CDH13: variants seen among roughly 807,000 people sequenced by gnomAD.
The protein encoded by CDH13 is cadherin-13.
Under a neutral mutation model 63.8 loss-of-function variants are expected in CDH13, and 24 were observed. The observed-to-expected ratio is 0.38, with a 90% CI of 0.27 to 0.53. CDH13 has a LOEUF of 0.53. Ranked by LOEUF, CDH13 falls within the 20% of genes least tolerant of loss-of-function variation. The pLI, the probability that CDH13 is intolerant of heterozygous loss-of-function variation, is 0.85. For synonymous variants in CDH13, 503 were observed against 355.3 expected (o/e 1.42, Z -4.67); for missense variants, 1,049 against 903.1 (o/e 1.16, Z -2.07).
At chr16:83,311,014 A>G (rs1202880830) in intron 5 of CDH13, among the ~76,000 whole-genome samples, 1 of 152,334 alleles carries the variant, frequency 6.6e-6, no homozygotes, top group East Asian at 1.9e-4. Flanking sequence ...CTTCCAGGAC[A>G]GATGTGGTGG....
At chr16:82,936,046 C>G (rs1006367989) in intron 2 of CDH13, among the ~76,000 whole-genome samples, 23 of 152,246 alleles carry the variant, frequency 1.5e-4, no homozygotes, top group Admixed American at 3.9e-4. Context: ...TCACCCCACC[C>G]TAATCTTATG....
chr16:83,135,549 C>A lies in CDH13; in HGVS notation c.483+10048C>A, dbSNP rs76573704. On this transcript the variant is annotated intron_variant, in intron 4 of 13. Transcript: ENST00000567109. ...CCTTTCTGTGTCACCTGCAATTGTACCAGGGCTCTGGATGGATTTTAAAAT... is the reference window on the plus strand; with the variant it reads ...CCTTTCTGTGTCACCTGCAATTGTAACAGGGCTCTGGATGGATTTTAAAAT... Among the ~76,000 whole-genome samples the A allele has an allele frequency of 3.5e-3, 532 of 152,264 alleles. 5 individuals carry two copies. The highest frequency in any genetic ancestry group is 0.011 in the African/African-American group (464 of 41,558).
chr16:83,455,864 C>T (rs553671984), intron 6 of CDH13, among the ~76,000 whole-genome samples: 1 of 152,330 alleles, frequency 6.6e-6, no homozygotes, highest in East Asian at 1.9e-4. Context: ...GGAAACAAAT[C>T]ACTAATTAAA....
chr16:83,587,844 T>G (rs536756407), intron 7 of CDH13, among the ~76,000 whole-genome samples: 213 of 152,318 alleles, frequency 1.4e-3, no homozygotes, highest in African/African-American at 4.8e-3. Context: ...GAATAGCAGT[T>G]TCCCAATTTT....
intron 6 of CDH13, among the ~76,000 whole-genome samples, chr16:83,472,170 C>A (rs1030216488): frequency 6.6e-6 from 1 of 152,150 alleles, no homozygotes; most frequent in Non-Finnish European, 1.5e-5. Context: ...CCACTTAGTA[C>A]CGTTATACCT....
At chr16:83,243,033 C>G (rs1393748268) in intron 5 of CDH13, among the ~76,000 whole-genome samples, 2 of 152,182 alleles carry the variant, frequency 1.3e-5, no homozygotes, top group East Asian at 1.9e-4. Flanking sequence ...GCAGGATTGA[C>G]AGGTTAAGTA....
At chr16:83,080,213 T>C (rs897180391) in intron 3 of CDH13, among the ~76,000 whole-genome samples, 1 of 152,096 alleles carries the variant, frequency 6.6e-6, no homozygotes, top group African/African-American at 2.4e-5. Flanking sequence ...CAGCTCATTC[T>C]TCAGTTGGAG....
At chr16:82,884,722 T>G (rs2040821781) in intron 2 of CDH13, among the ~76,000 whole-genome samples, 1 of 152,206 alleles carries the variant, frequency 6.6e-6, no homozygotes, top group Admixed American at 6.5e-5. Flanking sequence ...ATCTCCAAGT[T>G]TTTCTCAGCC....
At chr16:83,466,341 A>C (rs994905350) in intron 6 of CDH13, among the ~76,000 whole-genome samples, 12 of 152,158 alleles carry the variant, frequency 7.9e-5, no homozygotes, top group Non-Finnish European at 1.8e-4. Flanking sequence ...AGGGGCTTAC[A>C]TCCAGGCAAG....
chr16:83,284,833 T>G (rs575477400), intron 5 of CDH13, among the ~76,000 whole-genome samples: 2 of 152,130 alleles, frequency 1.3e-5, no homozygotes, highest in African/African-American at 2.4e-5. Context: ...TTTTAAAACC[T>G]TTTCAGTATA....
At chr16:83,001,650 G>T (rs62037240) in intron 2 of CDH13, among the ~76,000 whole-genome samples, 1 of 152,238 alleles carries the variant, frequency 6.6e-6, no homozygotes, top group African/African-American at 2.4e-5. Flanking sequence ...TCTGAGAAGC[G>T]AATCTCGCAT....
In CDH13 at chr16:83,681,491, C is replaced by T. The variant is rs1404967741; in HGVS notation, c.1538+3030C>T. On this transcript the variant is annotated intron_variant, in intron 10 of 13. Coordinates refer to ENST00000567109, the MANE Select transcript of CDH13 (RefSeq NM_001257.5). ...AGGCATATTCCTTCCTGCTGGGAGC[C>T]ACAGCGGCCCACACGTGACTCTTTC... 2.0e-5 allele frequency among the ~76,000 whole-genome samples: 3 copies of T among 152,270 alleles called. No homozygotes were observed. The East Asian group carries it at 5.8e-4, about 29-fold the overall frequency.
chr16:83,792,013 G>A lies in CDH13; in HGVS notation c.2135-3010G>A, dbSNP rs560609616. 1.4e-4 allele frequency among the ~76,000 whole-genome samples: 22 copies of A among 152,216 alleles called. 1 individual carries two copies. Among genetic ancestry groups the A allele is most frequent in the East Asian group, 3.9e-4 (2 of 5,192 alleles). ...TTCCTTTGCTATTGATCCCCTTTCCGCAATCCAGGCTCTCATTGATCTGCT... is the reference window on the plus strand; with the variant it reads ...TTCCTTTGCTATTGATCCCCTTTCCACAATCCAGGCTCTCATTGATCTGCT... On this transcript the variant is annotated intron_variant, in intron 13 of 13. Transcript: ENST00000567109.
At chr16:83,295,429 A>G (rs751444455) in intron 5 of CDH13, among the ~76,000 whole-genome samples, 6 of 152,158 alleles carry the variant, frequency 3.9e-5, no homozygotes, top group Non-Finnish European at 8.8e-5. Context: ...GGGTAAAAAG[A>G]CAACCTATGG....
intron 8 of CDH13, among the ~76,000 whole-genome samples, chr16:83,632,615 T>A (rs573624115): frequency 1.3e-5 from 2 of 150,990 alleles, no homozygotes; most frequent in Non-Finnish European, 2.9e-5. Context: ...TTTGTCACCA[T>A]TGATGCTATA....
chr16:83,108,396 A>G (rs1644566495), intron 3 of CDH13, among the ~76,000 whole-genome samples: 1 of 152,316 alleles, frequency 6.6e-6, no homozygotes, highest in Non-Finnish European at 1.5e-5. Flanking sequence ...AGCCACATAA[A>G]AGGGTGAGAA....
intron 1 of CDH13, among the ~76,000 whole-genome samples, chr16:82,752,769 G>T (rs1466353767): frequency 6.6e-6 from 1 of 152,172 alleles, no homozygotes; most frequent in African/African-American, 2.4e-5. Flanking sequence ...GCCCTGATTT[G>T]TGGCCTTTGC....
intron 1 of CDH13, among the ~76,000 whole-genome samples, chr16:82,733,584 A>C (rs964504932): frequency 3.3e-5 from 5 of 152,158 alleles, no homozygotes; most frequent in African/African-American, 4.8e-5. Flanking sequence ...GAGACATTCA[A>C]CATTCCATCT....
rs149804618 is a variant in CDH13, at chr16:83,626,506, T to C, written c.1101+23912T>C. Among the ~76,000 whole-genome samples the C allele has an allele frequency of 2.0e-3, 303 of 152,266 alleles. 3 individuals carry two copies. The highest frequency in any genetic ancestry group is 2.1e-3 in the Non-Finnish European group (141 of 68,030). On this transcript the variant is annotated intron_variant, in intron 8 of 13. Coordinates refer to ENST00000567109, the MANE Select transcript of CDH13 (RefSeq NM_001257.5). ...TAAAGATGAGTAGGTCAGTGGACAA[T>C]ATTTGAATGCAAGTCACAAATGTGT...
Sources: allele counts gnomAD v4.1 joint callset (sites outside exome capture counted in the v4.1 genomes callset), GRCh38; gene constraint gnomAD v4.1.1; transcripts MANE v1.5; gene names NCBI Gene and HGNC (gene_info 2026-07-23, HGNC 2026-07-21).